Variants in STK32A observed in about 807,000 individuals in gnomAD.
STK32A encodes serine/threonine kinase 32A.
In STK32A, 41 loss-of-function variants were observed where a neutral mutation model predicts 53.2. That is an observed-to-expected ratio of 0.77 (90% CI 0.60 to 1.00). The LOEUF (loss-of-function observed/expected upper bound fraction) is 1.00. Ranked by LOEUF, STK32A falls within the 50% of genes least tolerant of loss-of-function variation. The pLI is 0.00. For synonymous variants in STK32A, 166 were observed against 162.8 expected (o/e 1.02, Z -0.15); for missense variants, 458 against 485.8 (o/e 0.94, Z 0.54).
intron 5 of STK32A, among the ~76,000 whole-genome samples, chr5:147,339,187 G>C (rs1164960800): frequency 1.3e-5 from 2 of 151,188 alleles, no homozygotes; most frequent in Middle Eastern, 6.8e-3. Flanking sequence ...TGCTGCTTTC[G>C]TAGTCTCAGG....
chr5:147,311,826 C>T (rs1030951554), intron 4 of STK32A, among the ~76,000 whole-genome samples: 9 of 152,008 alleles, frequency 5.9e-5, no homozygotes, highest in South Asian at 2.1e-4. Context: ...TGGCCTCAAG[C>T]GATCATCCTG....
At chr5:147,288,609 G>T (rs116861267) in intron 4 of STK32A, among the ~76,000 whole-genome samples, 3,063 of 152,200 alleles carry the variant, frequency 0.02, 147 homozygotes, top group Admixed American at 0.094. Flanking sequence ...CATCTCACAT[G>T]GTGGGAGCAG....
In STK32A at chr5:147,386,981, A is replaced by T. The variant is rs899737272; in HGVS notation, c.*2998A>T. ...ACATGTCTCTTCCGGAGTTGTGACA[A>T]CCGAGGCTCAGAGCTGTGATTTTTA... On this transcript the variant is annotated 3_prime_UTR_variant, in exon 13 of 13. Transcript: ENST00000397936. 6.6e-6 allele frequency: 1 copy of T among 152,238 alleles called. No homozygotes were observed. Among genetic ancestry groups the T allele is most frequent in the Non-Finnish European group, 1.5e-5 (1 of 68,032 alleles). The allele number at this position is 152,238 out of a possible 1,614,324, so 9.4% of individuals were successfully genotyped here. A position where few individuals can be genotyped will look rare whatever the true frequency, so the allele number is the denominator to read the frequency against.
intron 8 of STK32A, among the ~76,000 whole-genome samples, chr5:147,364,766 C>G (rs1038650392): frequency 6.6e-6 from 1 of 152,090 alleles, no homozygotes; most frequent in Non-Finnish European, 1.5e-5. Context: ...CCTGAGGGCT[C>G]CACCCTTATG....
chr5:147,303,166 C>T (rs1420202660), intron 4 of STK32A, among the ~76,000 whole-genome samples: 1 of 152,118 alleles, frequency 6.6e-6, no homozygotes, highest in African/African-American at 2.4e-5. Context: ...TATAGACGTG[C>T]TTTTAGATTA....
chr5:147,322,086 T>C (rs185355803), intron 4 of STK32A, among the ~76,000 whole-genome samples: 113 of 152,286 alleles, frequency 7.4e-4, no homozygotes, highest in Admixed American at 1.2e-3. Flanking sequence ...TGAATATAAT[T>C]TGTGTTGCTG....
chr5:147,368,955 A>G lies in STK32A; in HGVS notation c.661-1699A>G, dbSNP rs569591235. On this transcript the variant is annotated intron_variant, in intron 8 of 12. Transcript: ENST00000397936. The stretch of plus-strand genomic sequence containing the variant: ...GAAAAAAGTAAAAACACATGTGCAT[A>G]CACATATAAGCCTAGAAGCTTGAGT... Among the ~76,000 whole-genome samples the G allele has an allele frequency of 2.6e-5, 4 of 152,322 alleles. No homozygotes were observed. In the South Asian group the frequency reaches 8.3e-4, roughly 32 times the overall value.
At chr5:147,360,767 G>A (rs147687162) in intron 7 of STK32A, among the ~76,000 whole-genome samples, 59 of 152,338 alleles carry the variant, frequency 3.9e-4, no homozygotes, top group African/African-American at 1.3e-3. Context: ...CCCTGCCTTT[G>A]CTTTGTGCTT....
intron 4 of STK32A, among the ~76,000 whole-genome samples, chr5:147,311,267 ATTTG>A (rs1326980225): frequency 6.6e-6 from 1 of 152,096 alleles, no homozygotes; most frequent in Non-Finnish European, 1.5e-5. Flanking sequence ...TTTGTTAAAT[ATTTG>A]TTTATCTTTT....
chr5:147,388,157 A>G (rs551567048), downstream of STK32A, among the ~76,000 whole-genome samples: 8 of 152,280 alleles, frequency 5.3e-5, no homozygotes, highest in South Asian at 1.7e-3. Context: ...CCCTAAGTCC[A>G]TGGGCAGCCT....
intron 2 of STK32A, among the ~76,000 whole-genome samples, chr5:147,250,943 A>G (rs1198312550): frequency 8.0e-5 from 1 of 12,484 alleles, no homozygotes; most frequent in Non-Finnish European, 1.7e-4. Context: ...CTCCATCTCA[A>G]AAAAAAAAAA....
chr5:147,286,632 A>C (rs1163663840), intron 4 of STK32A, among the ~76,000 whole-genome samples: 1 of 152,106 alleles, frequency 6.6e-6, no homozygotes, highest in East Asian at 1.9e-4. Flanking sequence ...CTACTGTTAC[A>C]TAAATGCATC....
At chr5:147,364,021 A>G (rs1756635134) in intron 8 of STK32A, among the ~76,000 whole-genome samples, 1 of 151,926 alleles carries the variant, frequency 6.6e-6, no homozygotes, top group Non-Finnish European at 1.5e-5. Context: ...TTCGAGTCCA[A>G]CCTGATCAAC....
the STK32A span, chr5:147,401,733 A>G: frequency 6.2e-7 from 1 of 1,612,220 alleles, no homozygotes; most frequent in Non-Finnish European, 8.5e-7. Context: ...GGTTAGCATA[A>G]AGTATATGCT....
chr5:147,376,345 G>A (rs1340445915), intron 11 of STK32A, among the ~76,000 whole-genome samples: 1 of 152,022 alleles, frequency 6.6e-6, no homozygotes, highest in African/African-American at 2.4e-5. Context: ...TCTCTGAACT[G>A]TCTTCTTCCC....
At chr5:147,263,151 C>A (rs894905203) in intron 2 of STK32A, among the ~76,000 whole-genome samples, 3 of 152,150 alleles carry the variant, frequency 2.0e-5, no homozygotes, top group African/African-American at 7.2e-5. Context: ...CCTCCTCTTC[C>A]CACTTGGCTC....
At chr5:147,352,072 GATGGTGGC>G (rs756917703) in intron 7 of STK32A, among the ~76,000 whole-genome samples, 15 of 152,098 alleles carry the variant, frequency 9.9e-5, no homozygotes, top group Non-Finnish European at 1.9e-4. Flanking sequence ...TCTGGAGCTG[GATGGTGGC>G]ATGCATCTGT....
chr5:147,356,326 C>T (rs1212832062), intron 7 of STK32A, among the ~76,000 whole-genome samples: 1 of 152,192 alleles, frequency 6.6e-6, no homozygotes, highest in African/African-American at 2.4e-5. Context: ...AAACTAAAAA[C>T]AGTTCTGTGA....
At chr5:147,338,771 A>G (rs1755262878) in intron 5 of STK32A, among the ~76,000 whole-genome samples, 2 of 152,290 alleles carry the variant, frequency 1.3e-5, no homozygotes, top group South Asian at 2.1e-4. Flanking sequence ...TTCCCCTGCC[A>G]TAGAGATCTG....
Sources: gnomAD v4.1 joint callset for allele counts (sites outside exome capture counted in the v4.1 genomes callset) on GRCh38, gnomAD v4.1.1 for gene constraint, MANE v1.5 for transcripts, NCBI Gene and HGNC (gene_info 2026-07-23, HGNC 2026-07-21) for gene names.